The following USP42 variants were observed in gnomAD, a reference collection of about 807,000 sequenced individuals.
USP42 encodes the protein ubiquitin carboxyl-terminal hydrolase 42.
In USP42, 23 loss-of-function variants were observed where a neutral mutation model predicts 113.0. The ratio of observed to expected loss-of-function variants is 0.20; its 90% CI spans 0.15 to 0.29. USP42 has a LOEUF of 0.29. USP42 is among the 10% of genes least tolerant of loss of function. USP42 has a pLI of 1.00. For synonymous variants in USP42, 933 were observed against 699.0 expected, an observed-to-expected ratio of 1.33 and a Z score of -5.28; for missense variants, 2,174 against 1,779.8, an observed-to-expected ratio of 1.22 and a Z score of -3.99.
chr7:6,123,243 G>A (rs1202452364), intron 3 of USP42, among the ~76,000 whole-genome samples: 2 of 152,190 alleles, frequency 1.3e-5, no homozygotes, highest in South Asian at 2.1e-4. Context: ...GCCACCCCAA[G>A]CTGGGCATGA....
chr7:6,104,658 T>C (rs1779147884), upstream of USP42, among the ~76,000 whole-genome samples: 1 of 152,094 alleles, frequency 6.6e-6, no homozygotes, highest in Non-Finnish European at 1.5e-5. Flanking sequence ...AGGAGCCCTT[T>C]CGCCGGCGCG....
upstream of USP42, among the ~76,000 whole-genome samples, chr7:6,102,218 C>T (rs1283797730): frequency 2.7e-5 from 4 of 147,312 alleles, no homozygotes; most frequent in Non-Finnish European, 5.9e-5. Context: ...CAGGTTCAAG[C>T]GATTCTCCTG....
chr7:6,098,474 G>A, the USP42 span, among the ~76,000 whole-genome samples: 7 of 150,124 alleles, frequency 4.7e-5, no homozygotes, highest in African/African-American at 1.2e-4. Flanking sequence ...CTTAGCAGGC[G>A]TGATGGTATC....
At chr7:6,151,596 C>T (rs59546061) in intron 14 of USP42, among the ~76,000 whole-genome samples, 1,570 of 151,434 alleles carry the variant, frequency 0.01, 29 homozygotes, top group African/African-American at 0.037. Context: ...CGCCACCCCA[C>T]CCAGCTAATT....
At chr7:6,148,022 C>A in intron 12 of USP42, 130 bp downstream of exon 12, 3 of 989,634 alleles carry the variant, frequency 3.0e-6, no homozygotes, top group South Asian at 1.8e-5. Flanking sequence ...TTTAATCAAA[C>A]CCTCTTACAC....
chr7:6,108,415 T>C (rs925054816), intron 1 of USP42, among the ~76,000 whole-genome samples: 6 of 152,120 alleles, frequency 3.9e-5, no homozygotes, highest in Non-Finnish European at 8.8e-5. Flanking sequence ...AGCAGCCAGT[T>C]TGGAAAGTAC....
In USP42 at chr7:6,150,482, T is replaced by C. The variant is rs754928324; in HGVS notation, c.2177T>C (p.Leu726Pro). ...GAGACCTTCAGGCTTAGCAACAAAC[T>C]GAAAGGCTCGACGGATGAAATGAGG... is the stretch of plus-strand genomic sequence containing the variant. The part of the protein sequence containing the change: ...ILETFRLSNK[L>P]KGSTDEMSAP... Residue 726 changes from leucine (L) to proline (P), a missense_variant, in exon 14 of 18, where the codon CTG becomes CCG. Coordinates refer to ENST00000306177, the MANE Select transcript of USP42 (RefSeq NM_032172.3). The C allele has an allele frequency of 3.7e-6, 6 of 1,613,832 alleles. No homozygotes were observed. The South Asian group carries it at 4.4e-5, about 12-fold the overall frequency.
chr7:6,097,531 C>T, the USP42 span, among the ~76,000 whole-genome samples: 1 of 150,566 alleles, frequency 6.6e-6, no homozygotes. Flanking sequence ...TTCAGTCTCC[C>T]AAAGTGTTGT....
At chr7:6,144,507 G>A (rs1781595439) in intron 9 of USP42, among the ~76,000 whole-genome samples, 1 of 152,144 alleles carries the variant, frequency 6.6e-6, no homozygotes, top group African/African-American at 2.4e-5. Context: ...CCCACTTTCT[G>A]AAGATTGAAA....
Position 6,154,187 on chromosome 7 carries a change from A to G in USP42, c.2633A>G (p.Asp878Gly). Residue 878 changes from aspartate (D) to glycine (G), a missense_variant, in exon 15 of 18, where the codon GAC becomes GGC. By Grantham distance (94) the Asp-to-Gly change is moderately conservative (BLOSUM62 -1). Transcript: ENST00000306177. ...EQPLLVHPSG[D>G]HARDAQDPSQ... is the part of the protein sequence containing the mutation. ...CCACTCCTTGTTCACCCCAGCGGGG[A>G]CCACGCCCGGGACGCTCAGGACCCA... 2 of 1,600,592 alleles carry G rather than the reference A, an allele frequency of 1.2e-6. No individual in the cohort carries two copies. The highest frequency in any genetic ancestry group is 1.7e-6 in the Non-Finnish European group (2 of 1,175,634).
intron 4 of USP42, among the ~76,000 whole-genome samples, chr7:6,138,580 G>T (rs1421655427): frequency 1.3e-5 from 2 of 152,178 alleles, no homozygotes; most frequent in Non-Finnish European, 2.9e-5. Context: ...TTTTAATGGT[G>T]TAAAGCAGGG....
intron 1 of USP42, among the ~76,000 whole-genome samples, chr7:6,108,335 C>G (rs992387993): frequency 1.3e-5 from 2 of 151,944 alleles, no homozygotes; most frequent in Admixed American, 6.6e-5. Flanking sequence ...GCCAGGAGTT[C>G]AAGACCAGCC....
upstream of USP42, among the ~76,000 whole-genome samples, chr7:6,100,001 A>G (rs556378315): frequency 2.3e-5 from 2 of 85,284 alleles, no homozygotes; most frequent in Non-Finnish European, 4.3e-5. Context: ...AAATTTCACA[A>G]GTCTATTATT....
chr7:6,099,211 CTTTTT>C, the USP42 span, among the ~76,000 whole-genome samples: 4 of 98,800 alleles, frequency 4.0e-5, no homozygotes, highest in Non-Finnish European at 5.7e-5. Flanking sequence ...TGTTCCCTCT[CTTTTT>C]TTTTTTTTTT....
intron 14 of USP42, among the ~76,000 whole-genome samples, chr7:6,153,278 AAAAC>A (rs1271292701): frequency 3.4e-5 from 5 of 148,950 alleles, no homozygotes; most frequent in Non-Finnish European, 7.4e-5. Context: ...GTCCTTCAAA[AAAAC>A]AAAACAAAAT....
At chr7:6,129,713 T>C (rs1306015055) in intron 3 of USP42, among the ~76,000 whole-genome samples, 1 of 151,844 alleles carries the variant, frequency 6.6e-6, no homozygotes, top group African/African-American at 2.4e-5. Flanking sequence ...ATACAAAAAT[T>C]AGCCAGGTGT....
chr7:6,109,255 A>AT (rs1053823367), intron 1 of USP42, among the ~76,000 whole-genome samples: 1 of 152,178 alleles, frequency 6.6e-6, no homozygotes, highest in Non-Finnish European at 1.5e-5. Flanking sequence ...AGAAAAAAAA[A>AT]CAAGACTTCA....
At chr7:6,083,835 G>C in the USP42 span, among the ~76,000 whole-genome samples, 1 of 150,566 alleles carries the variant, frequency 6.6e-6, no homozygotes, top group African/African-American at 2.5e-5. Context: ...ATTCAGAGCT[G>C]TTCGGGGAGA....
At chr7:6,151,751 C>T (rs191352746) in intron 14 of USP42, among the ~76,000 whole-genome samples, 31 of 152,262 alleles carry the variant, frequency 2.0e-4, no homozygotes, top group South Asian at 2.1e-4. Flanking sequence ...CCAGCAGAGT[C>T]GTTTATTGCC....
Sources: gnomAD v4.1 joint callset for allele counts (sites outside exome capture counted in the v4.1 genomes callset) on GRCh38, gnomAD v4.1.1 for gene constraint, MANE v1.5 for transcripts, NCBI Gene and HGNC (gene_info 2026-07-23, HGNC 2026-07-21) for gene names.